RNF4: variants seen among roughly 807,000 people sequenced by gnomAD.
RNF4 encodes the protein E3 ubiquitin-protein ligase RNF4.
In RNF4, 7 loss-of-function variants were observed where a neutral mutation model predicts 24.3. The observed-to-expected ratio is 0.29, with a 90% CI of 0.16 to 0.54. The LOEUF is 0.54. Ranked by LOEUF, RNF4 falls within the 20% of genes least tolerant of loss-of-function variation. The pLI is 0.95. For synonymous variants in RNF4, 83 were observed against 84.3 expected (o/e 0.98, Z 0.09); for missense variants, 209 against 248.5 (o/e 0.84, Z 1.07).
At chr4:2,473,661 A>T (rs371040330) in intron 1 of RNF4, among the ~76,000 whole-genome samples, 1 of 152,094 alleles carries the variant, frequency 6.6e-6, no homozygotes, top group African/African-American at 2.4e-5. Flanking sequence ...AATACAAAAA[A>T]TTAGCAGGGC....
intron 1 of RNF4, among the ~76,000 whole-genome samples, chr4:2,481,750 G>A (rs528941030): frequency 2.0e-5 from 3 of 152,102 alleles, no homozygotes; most frequent in Admixed American, 2.0e-4. Context: ...CTCTATCACC[G>A]AGGCAGGAGT....
At chr4:2,495,432 G>A (rs1377630619) in intron 2 of RNF4, among the ~76,000 whole-genome samples, 1 of 152,166 alleles carries the variant, frequency 6.6e-6, no homozygotes, top group African/African-American at 2.4e-5. Flanking sequence ...TTCCGTCTCT[G>A]CGCAGTACTT....
intron 1 of RNF4, chr4:2,479,964 G>T (rs780544279): frequency 3.9e-5 from 6 of 152,040 alleles, no homozygotes; most frequent in Non-Finnish European, 7.4e-5. Flanking sequence ...AATGACAAGG[G>T]TCTTGCCCAG....
intron 1 of RNF4, among the ~76,000 whole-genome samples, chr4:2,475,803 A>G (rs1363223963): frequency 6.6e-6 from 1 of 152,078 alleles, no homozygotes; most frequent in East Asian, 1.9e-4. Flanking sequence ...AGTTAGCCCC[A>G]TTTTACTCTT....
chr4:2,500,420 A>AC (rs1030635809), intron 3 of RNF4, among the ~76,000 whole-genome samples: 7 of 151,980 alleles, frequency 4.6e-5, no homozygotes, highest in African/African-American at 1.7e-4. Flanking sequence ...CACATACATA[A>AC]CCCCCCAGGT....
At chr4:2,488,552 G>T (rs918379190) in intron 1 of RNF4, among the ~76,000 whole-genome samples, 9 of 152,204 alleles carry the variant, frequency 5.9e-5, no homozygotes, top group African/African-American at 2.2e-4. Flanking sequence ...CACTGGGAAG[G>T]TTTATTTGGA....
chr4:2,502,460 C>CG (rs1208131974), intron 4 of RNF4, among the ~76,000 whole-genome samples: 1 of 151,944 alleles, frequency 6.6e-6, no homozygotes, highest in Non-Finnish European at 1.5e-5. Context: ...CCGAGGTGGG[C>CG]GGACCACAAG....
chr4:2,497,819 A>G (rs1735783710), intron 3 of RNF4, among the ~76,000 whole-genome samples: 1 of 152,020 alleles, frequency 6.6e-6, no homozygotes, highest in Admixed American at 6.6e-5. Flanking sequence ...TATTTTTAAT[A>G]GAGACAGGGT....
chr4:2,513,249 T>A, intron 7 of RNF4, 118 bp downstream of exon 7: 1 of 954,264 alleles, frequency 1.0e-6, no homozygotes, highest in Non-Finnish European at 1.7e-6. Context: ...CAGTCATGCC[T>A]GGGCCGTCAC....
At chr4:2,505,079 C>T (rs1348790297) in intron 4 of RNF4, 3 of 151,912 alleles carry the variant, frequency 2.0e-5, no homozygotes, top group African/African-American at 7.2e-5. Flanking sequence ...AAACTTTTTT[C>T]ATCATAAATA....
chr4:2,509,534 T>C (rs1249658644), intron 4 of RNF4, among the ~76,000 whole-genome samples: 1 of 152,170 alleles, frequency 6.6e-6, no homozygotes, highest in Non-Finnish European at 1.5e-5. Flanking sequence ...GTTGTTCTTA[T>C]ACTGAAGACT....
At chr4:2,513,057 A>C in intron 6 of RNF4, 26 bp from the exon 7 acceptor site, 3 of 1,612,232 alleles carry the variant, frequency 1.9e-6, no homozygotes, top group Non-Finnish European at 2.5e-6. Flanking sequence ...TGACTGAGAA[A>C]CTAACGTGAA....
At chr4:2,509,635 C>T (rs1043745609) in intron 4 of RNF4, among the ~76,000 whole-genome samples, 1 of 152,124 alleles carries the variant, frequency 6.6e-6, no homozygotes. Flanking sequence ...TTCTTATGCA[C>T]CCCAGTAGTT....
chr4:2,502,176 G>C (rs1310814214), intron 4 of RNF4, among the ~76,000 whole-genome samples: 1 of 152,204 alleles, frequency 6.6e-6, no homozygotes, highest in Non-Finnish European at 1.5e-5. Flanking sequence ...GCTCATTAAA[G>C]CTGGAAAGTG....
At chr4:2,494,485 C>T (rs1401023974) in intron 2 of RNF4, 2 of 150,386 alleles carry the variant, frequency 1.3e-5, no homozygotes, top group African/African-American at 4.9e-5. Context: ...TCACACCATT[C>T]TCCTGCCGCA....
At chr4:2,501,811 T>C (rs1735919154) in intron 4 of RNF4, among the ~76,000 whole-genome samples, 1 of 152,204 alleles carries the variant, frequency 6.6e-6, no homozygotes, top group South Asian at 2.1e-4. Flanking sequence ...CCTGTTTGGC[T>C]GATGCCTGGG....
intron 4 of RNF4, among the ~76,000 whole-genome samples, chr4:2,504,023 C>T (rs1355849167): frequency 6.6e-6 from 1 of 152,092 alleles, no homozygotes; most frequent in Non-Finnish European, 1.5e-5. Context: ...TCAAGGCAAG[C>T]CTGGGCAACA....
At chr4:2,496,902 G>A (rs936368265) in intron 2 of RNF4, 105 bp from the exon 3 acceptor site, 13 of 739,412 alleles carry the variant, frequency 1.8e-5, no homozygotes, top group African/African-American at 1.2e-4. Context: ...AAGTCTACTC[G>A]CTGGCTTCTT....
chr4:2,510,405 A>G (rs990913736), intron 4 of RNF4, among the ~76,000 whole-genome samples: 1 of 152,132 alleles, frequency 6.6e-6, no homozygotes, highest in African/African-American at 2.4e-5. Flanking sequence ...CTGCACTCAT[A>G]TCTTTGGGTT....
Sources: gnomAD v4.1 joint callset for allele counts (sites outside exome capture counted in the v4.1 genomes callset) on GRCh38, gnomAD v4.1.1 for gene constraint, MANE v1.5 for transcripts, NCBI Gene and HGNC (gene_info 2026-07-23, HGNC 2026-07-21) for gene names.